Variants in KIF26B observed in about 807,000 individuals in gnomAD.
KIF26B encodes the protein kinesin-like protein KIF26B.
A neutral mutation model predicts 151.2 loss-of-function variants in KIF26B; 63 were observed. The observed-to-expected ratio is 0.42, with a 90% CI of 0.34 to 0.51. The LOEUF is 0.51. KIF26B is among the 20% of genes least tolerant of loss of function. The probability of loss-of-function intolerance (pLI) is 0.07; values close to 1 mark genes in which losing one functional copy is unlikely to be tolerated. For missense variants in KIF26B, 2,813 were observed against 2,913.6 expected (o/e 0.97, Z 0.79); for synonymous variants, 1,357 against 1,262.1 (o/e 1.08, Z -1.59).
intron 2 of KIF26B, among the ~76,000 whole-genome samples, chr1:245,182,839 G>T (rs557608068): frequency 6.6e-6 from 1 of 152,148 alleles, no homozygotes; most frequent in Admixed American, 6.5e-5. Flanking sequence ...GTTTCACCGT[G>T]TTAGCCAGGA....
At chr1:245,242,212 G>A (rs542437060) in intron 2 of KIF26B, among the ~76,000 whole-genome samples, 6 of 152,312 alleles carry the variant, frequency 3.9e-5, no homozygotes, top group South Asian at 2.1e-4. Flanking sequence ...GCTACACAGC[G>A]AGACCCTGTC....
At chr1:245,697,955 T>A (rs1395155049) in intron 12 of KIF26B, 151 bp from the exon 13 acceptor site, 1 of 664,912 alleles carries the variant, frequency 1.5e-6, no homozygotes, top group Non-Finnish European at 2.5e-6. Flanking sequence ...ACAAGAGAAT[T>A]GCTTGAGCCC....
intron 9 of KIF26B, among the ~76,000 whole-genome samples, chr1:245,629,850 A>G (rs2103170975): frequency 6.6e-6 from 1 of 152,270 alleles, no homozygotes; most frequent in Non-Finnish European, 1.5e-5. Context: ...TATCCATCTG[A>G]CAAGGGTCTA....
chr1:245,378,596 G>A (rs990503543), intron 3 of KIF26B, among the ~76,000 whole-genome samples: 6 of 152,134 alleles, frequency 3.9e-5, no homozygotes, highest in Non-Finnish European at 8.8e-5. Flanking sequence ...TTTCCTATGG[G>A]TTGAAGAAAA....
intron 2 of KIF26B, among the ~76,000 whole-genome samples, chr1:245,313,625 C>G (rs1454390463): frequency 1.3e-5 from 2 of 152,204 alleles, no homozygotes; most frequent in East Asian, 3.9e-4. Context: ...GAGCAGGCTC[C>G]CCTTTAACCA....
chr1:245,437,977 C>T (rs982229593), intron 4 of KIF26B, among the ~76,000 whole-genome samples: 2 of 152,132 alleles, frequency 1.3e-5, no homozygotes, highest in Non-Finnish European at 1.5e-5. Context: ...TCTCATTACT[C>T]TCTTCTCTCT....
intron 2 of KIF26B, among the ~76,000 whole-genome samples, chr1:245,285,513 G>A (rs1671149621): frequency 1.3e-5 from 2 of 152,046 alleles, no homozygotes; most frequent in South Asian, 4.1e-4. Flanking sequence ...CTGTGGATCT[G>A]TGCTCACTGA....
chr1:245,203,427 T>C (rs1669341910), intron 2 of KIF26B, among the ~76,000 whole-genome samples: 1 of 152,146 alleles, frequency 6.6e-6, no homozygotes, highest in Non-Finnish European at 1.5e-5. Flanking sequence ...AGGTTTTCAT[T>C]CAACAGATAT....
chr1:245,340,293 C>T (rs906997494), intron 2 of KIF26B, among the ~76,000 whole-genome samples: 1 of 152,080 alleles, frequency 6.6e-6, no homozygotes. Context: ...CCTATAATAC[C>T]TAATACAATA....
rs1218148371 is a variant in KIF26B, at chr1:245,601,261, G to A, written c.1351-1316G>A. Reference sequence around the variant, plus strand: ...GCAAGCACAGCGGGGACACGGTGCAGGACACCTGCGGACCCAGTGCCCTTG... The same window carrying A: ...GCAAGCACAGCGGGGACACGGTGCAAGACACCTGCGGACCCAGTGCCCTTG... On this transcript the variant is annotated intron_variant, in intron 5 of 14. Transcript: ENST00000407071. This position sits in a 1 kb window ranked among gnomAD's most constrained non-coding sequence, Gnocchi z 4.4. Among the ~76,000 whole-genome samples the A allele has an allele frequency of 6.6e-6, 1 of 152,212 alleles. No individual in the cohort carries two copies. The highest frequency in any genetic ancestry group is 1.5e-5 in the Non-Finnish European group (1 of 68,044).
At chr1:245,441,574 A>G (rs1659105903) in intron 4 of KIF26B, among the ~76,000 whole-genome samples, 2 of 152,092 alleles carry the variant, frequency 1.3e-5, no homozygotes, top group Non-Finnish European at 2.9e-5. Flanking sequence ...TCACTCGGCT[A>G]ACGTGTGTGA....
intron 12 of KIF26B, among the ~76,000 whole-genome samples, chr1:245,695,142 G>A (rs1026194177): frequency 1.0e-3 from 158 of 152,308 alleles, no homozygotes; most frequent in African/African-American, 3.5e-3. Context: ...ATCTGCTTGA[G>A]AGGTGGAAAT....
chr1:245,543,047 A>C (rs909860530), intron 5 of KIF26B, among the ~76,000 whole-genome samples: 1 of 152,160 alleles, frequency 6.6e-6, no homozygotes, highest in African/African-American at 2.4e-5. Context: ...AAAATGAAGC[A>C]CATCAGAAAC....
At chr1:245,581,944 G>GGAAA (rs1201177728) in intron 5 of KIF26B, among the ~76,000 whole-genome samples, 1 of 151,656 alleles carries the variant, frequency 6.6e-6, no homozygotes, top group African/African-American at 2.4e-5. Context: ...AAGGAAGGAA[G>GGAAA]GAAGGAAGGA....
chr1:245,547,903 T>A (rs1292021534), intron 5 of KIF26B, among the ~76,000 whole-genome samples: 1 of 152,212 alleles, frequency 6.6e-6, no homozygotes, highest in Admixed American at 6.5e-5. Context: ...CTATCTTATA[T>A]ACCAGGTCTG....
At chr1:245,342,866 G>T (rs948147187) in intron 2 of KIF26B, among the ~76,000 whole-genome samples, 1 of 152,042 alleles carries the variant, frequency 6.6e-6, no homozygotes, top group Non-Finnish European at 1.5e-5. Context: ...GTGGCAGATC[G>T]CCTGAGGTCA....
intron 2 of KIF26B, among the ~76,000 whole-genome samples, chr1:245,213,698 G>A (rs113304599): frequency 2.8e-4 from 43 of 152,200 alleles, no homozygotes; most frequent in African/African-American, 9.4e-4. Flanking sequence ...GGCGTTGTGC[G>A]TGGTGTGGAT....
At chr1:245,435,053 C>CTCCA (rs60351520) in intron 4 of KIF26B, among the ~76,000 whole-genome samples, 2,235 of 132,516 alleles carry the variant, frequency 0.017, 32 homozygotes, top group Middle Eastern at 0.034. Flanking sequence ...CCATCCATCT[C>CTCCA]TCCATCCATC....
At chr1:245,435,053 CTCCATCCATCCATCCATCCATCCA>C (rs60351520) in intron 4 of KIF26B, among the ~76,000 whole-genome samples, 1 of 132,430 alleles carries the variant, frequency 7.6e-6, no homozygotes, top group Non-Finnish European at 1.6e-5. Context: ...CCATCCATCT[CTCCATCCATCCATCCATCCATCCA>C]TCCATCCATC....
Sources: gnomAD v4.1 joint callset for allele counts (sites outside exome capture counted in the v4.1 genomes callset) on GRCh38, gnomAD v4.1.1 for gene constraint, Gnocchi (gnomAD v3.1) non-coding constraint, MANE v1.5 for transcripts, NCBI Gene and HGNC (gene_info 2026-07-23, HGNC 2026-07-21) for gene names.